Variants in EIPR1 observed in about 807,000 individuals in gnomAD.
EIPR1 encodes EARP and GARP complex-interacting protein 1.
A neutral mutation model predicts 48.1 loss-of-function variants in EIPR1; 25 were observed. That is an observed-to-expected ratio of 0.52 (90% CI 0.38 to 0.73). The LOEUF is 0.73. Ranked by LOEUF, EIPR1 falls within the 30% of genes least tolerant of loss-of-function variation. The pLI is 0.00. For missense variants in EIPR1, 415 were observed against 506.2 expected, an observed-to-expected ratio of 0.82 and a Z score of 1.73; for synonymous variants, 204 against 201.9, an observed-to-expected ratio of 1.01 and a Z score of -0.09.
Position 3,221,745 on chromosome 2 carries a change from T to C in EIPR1, c.417-7497A>G, listed in dbSNP as rs13427214. On this transcript the variant is annotated intron_variant, in intron 4 of 8. Coordinates refer to ENST00000382125, the MANE Select transcript of EIPR1 (RefSeq NM_003310.5). ...AATGGCCAAGATACACTCTAGAACA[T>C]TCACAGTGAGTCGGGAACACATGCA... 3.8e-3 allele frequency among the ~76,000 whole-genome samples: 17 copies of C among 4,528 alleles called. 3 individuals carry two copies. The highest frequency in any genetic ancestry group is 9.0e-3 in the Admixed American group (2 of 222). The allele number at this position is 4,528 out of a possible 152,430, so 3.0% of individuals were successfully genotyped here.
intron 7 of EIPR1, 50 bp from the exon 8 acceptor site, chr2:3,192,631 A>T (rs1283970902): frequency 6.3e-7 from 1 of 1,589,916 alleles, no homozygotes; most frequent in Non-Finnish European, 8.6e-7. Flanking sequence ...CGCAGGCAAC[A>T]CCAACAATGG....
chr2:3,303,001 CAA>C (rs1296866584), intron 3 of EIPR1, among the ~76,000 whole-genome samples: 1 of 152,088 alleles, frequency 6.6e-6, no homozygotes, highest in African/African-American at 2.4e-5. Context: ...AATTGTGACT[CAA>C]GAGTTGTGGA....
In EIPR1 at chr2:3,194,031, T is replaced by C. The variant is rs1664705084; in HGVS notation, c.789A>G (p.Glu263=). Residue 263 remains glutamate (E), a synonymous_variant, in exon 7 of 9, where the codon GAA becomes GAG. Transcript: ENST00000382125. ...AGTGCTCCTCCAGGGTCTTCACGGG[T>C]TCGGTGACATTTCGGGTGTCCCAGA... ...VKFWDTRNVT[E]PVKTLEEHSH... 1 of 1,613,570 alleles carries C rather than the reference T, an allele frequency of 6.2e-7. No individual in the cohort carries two copies. Among genetic ancestry groups the C allele is most frequent in the South Asian group, 1.1e-5 (1 of 91,064 alleles).
chr2:3,357,352 G>C (rs1005803299), intron 1 of EIPR1, among the ~76,000 whole-genome samples: 4 of 152,258 alleles, frequency 2.6e-5, no homozygotes, highest in Non-Finnish European at 4.4e-5. Context: ...GGAGGACCCA[G>C]TGGCTGTTGC....
intron 1 of EIPR1, among the ~76,000 whole-genome samples, chr2:3,376,154 C>A (rs1469162619): frequency 4.6e-5 from 7 of 152,034 alleles, no homozygotes; most frequent in African/African-American, 1.7e-4. Context: ...ACAATTAGAA[C>A]AACAATTATT....
intron 3 of EIPR1, among the ~76,000 whole-genome samples, chr2:3,310,112 T>C (rs1669077472): frequency 1.3e-5 from 2 of 152,106 alleles, no homozygotes; most frequent in Non-Finnish European, 2.9e-5. Flanking sequence ...CCACACTCTG[T>C]TAGAGAAAAA....
chr2:3,287,202 T>C (rs909102189), intron 3 of EIPR1, among the ~76,000 whole-genome samples: 5 of 152,182 alleles, frequency 3.3e-5, no homozygotes, highest in East Asian at 1.9e-4. Context: ...GAAAGTTCGT[T>C]CACCACGCTC....
chr2:3,250,779 G>A (rs891094506), intron 4 of EIPR1, among the ~76,000 whole-genome samples: 4 of 152,102 alleles, frequency 2.6e-5, no homozygotes, highest in Non-Finnish European at 5.9e-5. Flanking sequence ...CACAAGATTC[G>A]CTTGTTTAAA....
At chr2:3,234,718 A>G (rs1666345592) in intron 4 of EIPR1, among the ~76,000 whole-genome samples, 1 of 152,216 alleles carries the variant, frequency 6.6e-6, no homozygotes, top group Admixed American at 6.5e-5. Flanking sequence ...CACAAAACTG[A>G]GCCCCACTCC....
intron 4 of EIPR1, among the ~76,000 whole-genome samples, chr2:3,254,551 G>T (rs13419506): frequency 0.04 from 6,142 of 152,302 alleles, 142 homozygotes; most frequent in South Asian, 0.074. Flanking sequence ...ACTTGAAAAT[G>T]AAGCAGCAAC....
At chr2:3,283,463 T>C (rs1297133375) in intron 3 of EIPR1, among the ~76,000 whole-genome samples, 1 of 152,224 alleles carries the variant, frequency 6.6e-6, no homozygotes, top group Non-Finnish European at 1.5e-5. Flanking sequence ...GGGAAGCTGC[T>C]GCCTCCGCAT....
intron 3 of EIPR1, among the ~76,000 whole-genome samples, chr2:3,304,729 CAA>C (rs1668866350): frequency 6.7e-6 from 1 of 150,152 alleles, no homozygotes; most frequent in African/African-American, 2.5e-5. Flanking sequence ...CAGTCCCGTC[CAA>C]TTCAGCCCTC....
At position 3,286,582 on chromosome 2, in the gene EIPR1, C is replaced by T. The variant is rs1668192774; in HGVS notation, c.260-29127G>A. 6.6e-6 allele frequency among the ~76,000 whole-genome samples: 1 copy of T among 152,232 alleles called. No homozygotes were observed. The highest frequency in any genetic ancestry group is 2.4e-5 in the African/African-American group (1 of 41,460). ...GTGACTCTGGAAGCGTTTTCATAAG[C>T]ACTTGTCATATGTCATATGCAGTGT... On this transcript the variant is annotated intron_variant, in intron 3 of 8. Coordinates refer to ENST00000382125, the MANE Select transcript of EIPR1 (RefSeq NM_003310.5). This position sits in a 1 kb window ranked among gnomAD's most constrained non-coding sequence, Gnocchi z 4.2.
intron 3 of EIPR1, among the ~76,000 whole-genome samples, chr2:3,296,649 C>G (rs1430267933): frequency 6.6e-6 from 1 of 150,546 alleles, no homozygotes; most frequent in Non-Finnish European, 1.5e-5. Flanking sequence ...CTCCATCCAG[C>G]CCATCCCGTC....
chr2:3,299,661 T>C (rs1429954088), intron 3 of EIPR1, among the ~76,000 whole-genome samples: 1 of 114,076 alleles, frequency 8.8e-6, no homozygotes. Context: ...CACACACACT[T>C]TGAGTTATGG....
chr2:3,303,125 G>A (rs1034061266), intron 3 of EIPR1, among the ~76,000 whole-genome samples: 1 of 152,202 alleles, frequency 6.6e-6, no homozygotes, highest in Non-Finnish European at 1.5e-5. Flanking sequence ...CCCCAGCCTG[G>A]GGACTTACAC....
At chr2:3,204,472 G>A (rs1179484803) in intron 5 of EIPR1, among the ~76,000 whole-genome samples, 1 of 152,230 alleles carries the variant, frequency 6.6e-6, no homozygotes, top group African/African-American at 2.4e-5. Context: ...CTGGGGACAT[G>A]GAGACAGCAC....
chr2:3,366,543 C>G (rs949114265), intron 1 of EIPR1, among the ~76,000 whole-genome samples: 1 of 151,968 alleles, frequency 6.6e-6, no homozygotes, highest in African/African-American at 2.4e-5. Context: ...ACCTGAAATT[C>G]AAAATTAAAT....
chr2:3,289,587 C>T (rs575047447), intron 3 of EIPR1, among the ~76,000 whole-genome samples: 4 of 152,274 alleles, frequency 2.6e-5, no homozygotes, highest in East Asian at 1.9e-4. Context: ...CAGAGCCATC[C>T]GTGATCCTGT....
Sources: gnomAD v4.1 joint callset for allele counts (sites outside exome capture counted in the v4.1 genomes callset) on GRCh38, gnomAD v4.1.1 for gene constraint, Gnocchi (gnomAD v3.1) non-coding constraint, MANE v1.5 for transcripts, NCBI Gene and HGNC (gene_info 2026-07-23, HGNC 2026-07-21) for gene names.